CLDN7: variants seen among roughly 807,000 people sequenced by gnomAD.
CLDN7 encodes the protein claudin-7.
In CLDN7, 15 loss-of-function variants were observed where a neutral mutation model predicts 20.3. The ratio of observed to expected loss-of-function variants is 0.74; its 90% CI spans 0.49 to 1.14. The LOEUF is 1.14. CLDN7 is among the 50% of genes most tolerant of loss of function. The pLI is 0.00. For missense variants in CLDN7, 261 were observed against 274.2 expected, an observed-to-expected ratio of 0.95 and a Z score of 0.34; for synonymous variants, 117 against 106.1, an observed-to-expected ratio of 1.10 and a Z score of -0.63.
chr17:7,261,043 C>G, intron 1 of CLDN7, 58 bp from the exon 2 acceptor site: 1 of 1,537,242 alleles, frequency 6.5e-7, no homozygotes, highest in African/African-American at 1.4e-5. Flanking sequence ...CTCCAGCCTT[C>G]GTGCCGCCGG....
chr17:7,261,816 CT>C lies in CLDN7; in HGVS notation c.223+4del. On this transcript the variant is annotated splice_donor_region_variant and intron_variant, in intron 1 of 3. Transcript: ENST00000360325. The stretch of plus-strand genomic sequence containing the variant: ...GCGTCCGCCCCGTCGGTCCCGCGGC[CT>C]TACCGGACAGGGCGAGCACCGAGTC... 1 of 1,611,896 alleles carries C rather than the reference CT, an allele frequency of 6.2e-7. No homozygotes were observed. The highest frequency in any genetic ancestry group is 8.5e-7 in the Non-Finnish European group (1 of 1,179,968).
rs369146758 is a variant in CLDN7, at chr17:7,260,883, C to G, written c.326G>C (p.Gly109Ala). 4 of 1,614,098 alleles carry G rather than the reference C, an allele frequency of 2.5e-6. No homozygotes were observed. The African/African-American group carries it at 4.0e-5, about 16-fold the overall frequency. ...TMGMKCTRCGGDDKVKKARIA... is the reference protein window; with the variant it reads ...TMGMKCTRCGADDKVKKARIA... The stretch of plus-strand genomic sequence containing the variant: ...ACGGGCCTTCTTCACTTTGTCGTCT[C>G]CCCCACAGCGCGTGCACTTCATGCC... Residue 109 changes from glycine to alanine, a missense_variant, in exon 2 of 4, where the codon GGA becomes GCA. By Grantham distance (60) the Gly-to-Ala change is moderately conservative. Transcript: ENST00000360325.
In CLDN7 at chr17:7,260,718, C is replaced by T. The variant is rs17849410; in HGVS notation, c.397G>A (p.Ala133Thr). The change falls in exon 3 of 4, where the codon GCC (alanine) becomes ACC (threonine). Residue 133 changes from alanine (A) to threonine (T), a missense_variant. Physicochemically the swap from Ala to Thr is moderately conservative, Grantham distance 58. Transcript: ENST00000360325. ...GIIFIVAGLA[A>T]LVACSWYGHQ... is the part of the protein sequence containing the mutation. ...CCATACCAGGAGCAAGCTACCAAGG[C>T]GGCAAGACCTGGAGACAGAATGAGG... 6.2e-7 allele frequency: 1 copy of T among 1,614,198 alleles called. No homozygotes were observed. The highest frequency in any genetic ancestry group is 8.5e-7 in the Non-Finnish European group (1 of 1,180,048).
At chr17:7,261,673 A>AC in intron 1 of CLDN7, 148 bp downstream of exon 1, 1 of 151,958 alleles carries the variant, frequency 6.6e-6, no homozygotes, top group Non-Finnish European at 1.3e-5. Flanking sequence ...GCTCCCGCCC[A>AC]GCCCCGCCGC....
Position 7,262,345 on chromosome 17 carries a change from T to C in CLDN7, c.-302A>G. 3.2e-6 allele frequency: 4 copies of C among 1,267,006 alleles called. No individual in the cohort carries two copies. Among genetic ancestry groups the C allele is most frequent in the Non-Finnish European group, 4.0e-6 (4 of 997,580 alleles). The allele number at this position is 1,267,006 out of a possible 1,614,324, so 78.5% of individuals were successfully genotyped here. On this transcript the variant is annotated 5_prime_UTR_variant, in exon 1 of 4. Coordinates refer to ENST00000360325, the MANE Select transcript of CLDN7 (RefSeq NM_001307.6). This position sits in a 1 kb window ranked among gnomAD's most constrained non-coding sequence, Gnocchi z 6.6. ...TCCCTCCGGGCGCTCTCGGCGACCC[T>C]AGGCAAACAAAAGGTGGAGGGGCCG...
intron 1 of CLDN7, 119 bp downstream of exon 1, chr17:7,261,702 T>A: frequency 2.2e-6 from 1 of 445,940 alleles, no homozygotes; most frequent in Non-Finnish European, 3.5e-6. Context: ...GACCACTTCC[T>A]CGCCCTGCAG....
In CLDN7 at chr17:7,261,778, CTCGGTCAAGGGCGCGTCCGCCCCG is replaced by C. The variant is rs1248362526; in HGVS notation, c.223+19_223+42del. 9.4e-6 allele frequency: 15 copies of C among 1,597,674 alleles called. No individual in the cohort carries two copies. The Admixed American group carries it at 2.5e-4, about 27-fold the overall frequency. ...TCTCCCACGCGCGCCACCCCGCCAC[CTCGGTCAAGGGCGCGTCCGCCCCG>C]TCGGTCCCGCGGCCTTACCGGACAG... On this transcript the variant is annotated intron_variant, in intron 1 of 3. Coordinates refer to ENST00000360325, the MANE Select transcript of CLDN7 (RefSeq NM_001307.6).
Position 7,260,266 on chromosome 17 carries a change from A to C in CLDN7, c.*108T>G. On this transcript the variant is annotated 3_prime_UTR_variant, in exon 4 of 4. Transcript: ENST00000360325. ...CATGGAGTGCAGGGACAGAGTGACCAGGAGGCCTTTGTCCGGCACCCTGCC... is the reference window on the plus strand; with the variant it reads ...CATGGAGTGCAGGGACAGAGTGACCCGGAGGCCTTTGTCCGGCACCCTGCC... 1.5e-5 allele frequency: 15 copies of C among 992,842 alleles called. No homozygotes were observed. Among genetic ancestry groups the C allele is most frequent in the East Asian group, 6.8e-5 (2 of 29,554 alleles). The allele number at this position is 992,842 out of a possible 1,614,324, so 61.5% of individuals were successfully genotyped here. A position where few individuals can be genotyped will look rare whatever the true frequency, so the allele number is the denominator to read the frequency against.
At chr17:7,260,771 G>A in intron 2 of CLDN7, 45 bp from the exon 3 acceptor site, 1 of 1,614,196 alleles carries the variant, frequency 6.2e-7, no homozygotes, top group Non-Finnish European at 8.5e-7. Flanking sequence ...CCCCAAATGG[G>A]CGCCTTGCCC....
Position 7,260,709 on chromosome 17 carries a change from C to T in CLDN7, c.406G>A (p.Ala136Thr). Reference sequence around the variant, plus strand: ...ATCTGATGGCCATACCAGGAGCAAGCTACCAAGGCGGCAAGACCTGGAGAC... The same window carrying T: ...ATCTGATGGCCATACCAGGAGCAAGTTACCAAGGCGGCAAGACCTGGAGAC... Reference protein sequence around the residue: ...FIVAGLAALVACSWYGHQIVT... With the variant: ...FIVAGLAALVTCSWYGHQIVT... The change falls in exon 3 of 4, where the codon GCT becomes ACT. Residue 136 changes from alanine (A) to threonine (T), a missense_variant. Transcript: ENST00000360325. The T allele has an allele frequency of 6.2e-7, 1 of 1,614,218 alleles. No homozygotes were observed. The highest frequency in any genetic ancestry group is 8.5e-7 in the Non-Finnish European group (1 of 1,180,038).
Position 7,260,236 on chromosome 17 carries a change from C to T in CLDN7, c.*138G>A. The T allele has an allele frequency of 1.3e-6, 1 of 782,774 alleles. No individual in the cohort carries two copies. The highest frequency in any genetic ancestry group is 1.9e-6 in the Non-Finnish European group (1 of 515,792). 48.5% of individuals were successfully genotyped at this position (782,774 alleles called of 1,614,324 possible). A position where few individuals can be genotyped will look rare whatever the true frequency, so the allele number is the denominator to read the frequency against. ...CCCCCCCACCCCCAACCCAAGAGGA[C>T]TATACATGGAGTGCAGGGACAGAGT... On this transcript the variant is annotated 3_prime_UTR_variant, in exon 4 of 4. Coordinates refer to ENST00000360325, the MANE Select transcript of CLDN7 (RefSeq NM_001307.6).
At position 7,262,283 on chromosome 17, in the gene CLDN7, T is replaced by A. The variant is rs2072238951; in HGVS notation, c.-240A>T. The A allele has an allele frequency of 7.2e-7, 1 of 1,389,262 alleles. No individual in the cohort carries two copies. The highest frequency in any genetic ancestry group is 9.3e-7 in the Non-Finnish European group (1 of 1,072,060). The allele number at this position is 1,389,262 out of a possible 1,614,324, so 86.1% of individuals were successfully genotyped here. A position where few individuals can be genotyped will look rare whatever the true frequency, so the allele number is the denominator to read the frequency against. The stretch of plus-strand genomic sequence containing the variant: ...GAGTAGGATACGCCGGGAGGGTGGT[T>A]CCAGACAAAATTGGTGGTCCCCGAA... On this transcript the variant is annotated 5_prime_UTR_variant, in exon 1 of 4. Coordinates refer to ENST00000360325, the MANE Select transcript of CLDN7 (RefSeq NM_001307.6). This position sits in a 1 kb window ranked among gnomAD's most constrained non-coding sequence, Gnocchi z 6.6.
chr17:7,262,113 G>A lies in CLDN7; in HGVS notation c.-70C>T. The A allele has an allele frequency of 6.6e-7, 1 of 1,520,734 alleles. No individual in the cohort carries two copies. Among genetic ancestry groups the A allele is most frequent in the Non-Finnish European group, 8.8e-7 (1 of 1,133,362 alleles). The allele number at this position is 1,520,734 out of a possible 1,614,324, so 94.2% of individuals were successfully genotyped here. On this transcript the variant is annotated 5_prime_UTR_variant, in exon 1 of 4. Transcript: ENST00000360325. This position sits in a 1 kb window ranked among gnomAD's most constrained non-coding sequence, Gnocchi z 6.6. Reference sequence around the variant, plus strand: ...ACAGTAAAACAAACGACACTTGGGGGGCAGCCCCACAAAAGAAAACTTGAG... The same window carrying A: ...ACAGTAAAACAAACGACACTTGGGGAGCAGCCCCACAAAAGAAAACTTGAG...
Position 7,260,656 on chromosome 17 carries a change from G to A in CLDN7, c.459C>T (p.Ile153=), listed in dbSNP as rs921359121. The change falls in exon 3 of 4, where the codon ATC becomes ATT. Residue 153 remains isoleucine (I), a synonymous_variant. Coordinates refer to ENST00000360325, the MANE Select transcript of CLDN7 (RefSeq NM_001307.6). ...CCCAGACTTACTTAATGTTGGTAGG[G>A]ATCAAAGGGTTATAAAAGTCTGTGA... ...QIVTDFYNPL[I]PTNIKYEFGP... 3.7e-6 allele frequency: 6 copies of A among 1,614,066 alleles called. No homozygotes were observed. In the African/African-American group the frequency reaches 5.3e-5, roughly 14 times the overall value.
In CLDN7 at chr17:7,262,078, G is replaced by A. The variant is rs1293325573; in HGVS notation, c.-35C>T. On this transcript the variant is annotated 5_prime_UTR_variant, in exon 1 of 4. Transcript: ENST00000360325. This position sits in a 1 kb window ranked among gnomAD's most constrained non-coding sequence, Gnocchi z 6.6. Reference sequence around the variant, plus strand: ...CAGAAAACACTGGGGGCGCCGGGCGGGGAGACCCTACAGTAAAACAAACGA... The same window carrying A: ...CAGAAAACACTGGGGGCGCCGGGCGAGGAGACCCTACAGTAAAACAAACGA... 1.4e-6 allele frequency: 2 copies of A among 1,446,366 alleles called. No individual in the cohort carries two copies. Among genetic ancestry groups the A allele is most frequent in the Non-Finnish European group, 1.8e-6 (2 of 1,102,560 alleles). The allele number at this position is 1,446,366 out of a possible 1,614,324, so 89.6% of individuals were successfully genotyped here. A position where few individuals can be genotyped will look rare whatever the true frequency, so the allele number is the denominator to read the frequency against.
In CLDN7 at chr17:7,260,217, C is replaced by A. The variant is rs958863304; in HGVS notation, c.*157G>T. On this transcript the variant is annotated 3_prime_UTR_variant, in exon 4 of 4. Transcript: ENST00000360325. ...GTCTCTCCCACCAACGGCACCCCCC[C>A]ACCCCCAACCCAAGAGGACTATACA... The A allele has an allele frequency of 1.6e-5, 10 of 618,906 alleles. No homozygotes were observed. The highest frequency in any genetic ancestry group is 1.5e-4 in the African/African-American group (8 of 53,018). 38.3% of individuals were successfully genotyped at this position (618,906 alleles called of 1,614,324 possible).
At chr17:7,261,015 T>G in intron 1 of CLDN7, 30 bp from the exon 2 acceptor site, 4 of 1,587,896 alleles carry the variant, frequency 2.5e-6, no homozygotes, top group East Asian at 4.5e-5. Flanking sequence ...GCGCCGTCAT[T>G]GCTGGAAATG....
At position 7,260,233 on chromosome 17, in the gene CLDN7, G is replaced by GGACT; in HGVS notation, c.*137_*140dup. On this transcript the variant is annotated 3_prime_UTR_variant, in exon 4 of 4. Transcript: ENST00000360325. ...GCACCCCCCCACCCCCAACCCAAGA[G>GGACT]GACTATACATGGAGTGCAGGGACAG... The GGACT allele has an allele frequency of 1.4e-6, 1 of 740,260 alleles. No homozygotes were observed. The highest frequency in any genetic ancestry group is 2.1e-6 in the Non-Finnish European group (1 of 483,462). 45.9% of individuals were successfully genotyped at this position (740,260 alleles called of 1,614,324 possible). A position where few individuals can be genotyped will look rare whatever the true frequency, so the allele number is the denominator to read the frequency against.
In CLDN7 at chr17:7,262,030, C is replaced by T; in HGVS notation, c.14G>A (p.Gly5Asp). MANS[G>D]LQLLGFSMAL... ...CATGGAGAAGCCCAGCAACTGCAGGCCCGAATTGGCCATTTCCGCCCTCAG... is the reference window on the plus strand; with the variant it reads ...CATGGAGAAGCCCAGCAACTGCAGGTCCGAATTGGCCATTTCCGCCCTCAG... The change falls in exon 1 of 4, where the codon GGC becomes GAC. Residue 5 changes from glycine to aspartate, a missense_variant. Physicochemically the swap from Gly to Asp is moderately conservative, Grantham distance 94. Coordinates refer to ENST00000360325, the MANE Select transcript of CLDN7 (RefSeq NM_001307.6). The surrounding 1 kb of genome is among the most constrained non-coding windows in gnomAD (Gnocchi z 6.6). 6.2e-7 allele frequency: 1 copy of T among 1,612,750 alleles called. No individual in the cohort carries two copies. Among genetic ancestry groups the T allele is most frequent in the Non-Finnish European group, 8.5e-7 (1 of 1,179,548 alleles).
Sources: gnomAD v4.1 joint callset for allele counts on GRCh38, gnomAD v4.1.1 for gene constraint, Gnocchi (gnomAD v3.1) non-coding constraint, MANE v1.5 for transcripts, NCBI Gene and HGNC (gene_info 2026-07-23, HGNC 2026-07-21) for gene names.